The following GOLGA5 variants were observed in gnomAD, a reference collection of about 807,000 sequenced individuals.
The protein encoded by GOLGA5 is golgin A5.
GOLGA5 carries 50 observed loss-of-function variants against 93.5 expected under a neutral mutation model. The ratio of observed to expected loss-of-function variants is 0.53; its 90% CI spans 0.43 to 0.68. The LOEUF (loss-of-function observed/expected upper bound fraction) is 0.68, where lower values mean the gene tolerates loss of function less well. GOLGA5 is among the 30% of genes least tolerant of loss of function. GOLGA5 has a pLI of 0.00. For missense variants in GOLGA5, 760 were observed against 856.4 expected, an observed-to-expected ratio of 0.89 and a Z score of 1.40; for synonymous variants, 312 against 304.5, an observed-to-expected ratio of 1.02 and a Z score of -0.26.
At chr14:92,823,371 C>G (rs537154867) in intron 8 of GOLGA5, among the ~76,000 whole-genome samples, 1 of 151,584 alleles carries the variant, frequency 6.6e-6, no homozygotes, top group East Asian at 1.9e-4. Flanking sequence ...GTTTTAATGT[C>G]TTTATGACCC....
intron 1 of GOLGA5, among the ~76,000 whole-genome samples, chr14:92,795,728 G>A (rs1240779422): frequency 1.5e-5 from 1 of 67,250 alleles, no homozygotes; most frequent in Non-Finnish European, 2.7e-5. Context: ...CAAGAAGCAT[G>A]TTAAAAAAAT....
intron 10 of GOLGA5, among the ~76,000 whole-genome samples, chr14:92,834,064 ATAAGT>A: frequency 6.6e-6 from 1 of 151,672 alleles, no homozygotes; most frequent in East Asian, 1.9e-4. Flanking sequence ...GAAATTATAA[ATAAGT>A]AAATCATACT....
Position 92,833,201 on chromosome 14 carries a change from A to G in GOLGA5, c.1799A>G (p.Gln600Arg), listed in dbSNP as rs189806779. The change falls in exon 10 of 13, where the codon CAG (glutamine) becomes CGG (arginine). Residue 600 changes from glutamine to arginine, a missense_variant. Gln to Arg is a conservative substitution (Grantham distance 43, BLOSUM62 1). Transcript: ENST00000163416. ...CATCAGCTAACAGAGACTCTCATCC[A>G]GAAACAGACCATGCTGGAGAGTCTC... ...RLHQLTETLIQKQTMLESLST... is the reference protein window; with the variant it reads ...RLHQLTETLIRKQTMLESLST... 9.9e-6 allele frequency: 16 copies of G among 1,613,736 alleles called. No homozygotes were observed. The highest frequency in any genetic ancestry group is 1.3e-5 in the Non-Finnish European group (15 of 1,179,604).
In GOLGA5 at chr14:92,810,302, G is replaced by A; in HGVS notation, c.1041G>A (p.Leu347=). The change falls in exon 5 of 13, where the codon CTG becomes CTA. Residue 347 remains leucine, a synonymous_variant. Transcript: ENST00000163416. ...GTAACAGCCTGCAGAATCAAGCTCT[G>A]CAGACTTTTCAGGAGAGACTGCATG... ...SEGNSLQNQA[L]QTFQERLHEA... The A allele has an allele frequency of 6.2e-7, 1 of 1,603,462 alleles. No homozygotes were observed. The highest frequency in any genetic ancestry group is 1.1e-5 in the South Asian group (1 of 89,956).
At chr14:92,800,176 G>A (rs1003663709) in intron 2 of GOLGA5, among the ~76,000 whole-genome samples, 3 of 152,220 alleles carry the variant, frequency 2.0e-5, no homozygotes, top group Admixed American at 2.0e-4. Flanking sequence ...GAAGTGTCCA[G>A]TGGGTGAGCT....
intron 7 of GOLGA5, among the ~76,000 whole-genome samples, chr14:92,816,906 C>T (rs966285889): frequency 6.6e-6 from 1 of 151,114 alleles, no homozygotes; most frequent in Non-Finnish European, 1.5e-5. Context: ...TCTTTCCTTT[C>T]TCTCCTTTCT....
intron 3 of GOLGA5, among the ~76,000 whole-genome samples, chr14:92,808,387 C>T (rs1044780660): frequency 3.9e-5 from 6 of 152,184 alleles, no homozygotes; most frequent in African/African-American, 9.7e-5. Context: ...GTAATCCCAG[C>T]GCTTTGGAAG....
At chr14:92,795,085 TAATG>T (rs1884694902) in intron 1 of GOLGA5, among the ~76,000 whole-genome samples, 2 of 76,554 alleles carry the variant, frequency 2.6e-5, no homozygotes, top group South Asian at 6.7e-4. Flanking sequence ...TATAAAGAAT[TAATG>T]AGCGTGTTTT....
At chr14:92,817,997 T>C (rs1362761993) in intron 7 of GOLGA5, among the ~76,000 whole-genome samples, 1 of 152,200 alleles carries the variant, frequency 6.6e-6, no homozygotes, top group Non-Finnish European at 1.5e-5. Context: ...TTTATTGTTA[T>C]TCATTAAAGT....
At position 92,833,284 on chromosome 14, in the gene GOLGA5, T is replaced by A; in HGVS notation, c.1882T>A (p.Ser628Thr). ...GGAGCGCCTCGAACAGCAGATGAAC[T>A]CCGCCTCTGGAAGTAGTAGTAATGG... ...QLERLEQQMN[S>T]ASGSSSNGSS... Residue 628 changes from serine (S) to threonine (T), a missense_variant, in exon 10 of 13, where the codon TCC (serine) becomes ACC (threonine). By Grantham distance (58) the Ser-to-Thr change is moderately conservative. Transcript: ENST00000163416. 1 of 1,613,972 alleles carries A rather than the reference T, an allele frequency of 6.2e-7. No individual in the cohort carries two copies. The highest frequency in any genetic ancestry group is 8.5e-7 in the Non-Finnish European group (1 of 1,179,856).
rs781774988 is a variant in GOLGA5, at chr14:92,797,510, G to A, written c.73G>A (p.Ala25Thr). The A allele has an allele frequency of 1.9e-6, 3 of 1,613,256 alleles. No individual in the cohort carries two copies. The highest frequency in any genetic ancestry group is 2.2e-5 in the South Asian group (2 of 91,040). The change falls in exon 2 of 13, where the codon GCT (alanine) becomes ACT (threonine). Residue 25 changes from alanine to threonine, a missense_variant. Physicochemically the swap from Ala to Thr is moderately conservative, Grantham distance 58 (BLOSUM62 0). Transcript: ENST00000163416. ...LNRVDQGAATALSRKDNASNI... is the reference protein window; with the variant it reads ...LNRVDQGAATTLSRKDNASNI... ...CCGAGTTGATCAAGGGGCTGCAACA[G>A]CTCTCAGTAGGAAAGACAATGCCAG...
At position 92,797,507 on chromosome 14, in the gene GOLGA5, A is replaced by G. The variant is rs1482689950; in HGVS notation, c.70A>G (p.Thr24Ala). ...LLNRVDQGAA[T>A]ALSRKDNASN... ...AAACCGAGTTGATCAAGGGGCTGCA[A>G]CAGCTCTCAGTAGGAAAGACAATGC... The change falls in exon 2 of 13, where the codon ACA becomes GCA. Residue 24 changes from threonine (T) to alanine (A), a missense_variant. Transcript: ENST00000163416. The G allele has an allele frequency of 1.2e-6, 2 of 1,613,682 alleles. No homozygotes were observed. The highest frequency in any genetic ancestry group is 2.2e-5 in the East Asian group (1 of 44,886).
At chr14:92,822,742 C>T (rs1255851428) in intron 8 of GOLGA5, among the ~76,000 whole-genome samples, 3 of 152,082 alleles carry the variant, frequency 2.0e-5, no homozygotes, top group South Asian at 2.1e-4. Context: ...CTGCAACCTC[C>T]GCCTCCTGAG....
chr14:92,811,888 A>G (rs1595595258), intron 6 of GOLGA5, 134 bp downstream of exon 6: 1 of 663,424 alleles, frequency 1.5e-6, no homozygotes. Context: ...GCCTTACTCT[A>G]CTTTAGAAAT....
Position 92,816,328 on chromosome 14 carries a change from G to A in GOLGA5, c.1398G>A (p.Met466Ile). ...EGLDSSTASS[M>I]ELEELRHEKE... ...TAGATAGCAGCACTGCCAGTAGCAT[G>A]GAGCTGGAAGAACTTCGGCATGAGA... The change falls in exon 7 of 13, where the codon ATG becomes ATA. Residue 466 changes from methionine (M) to isoleucine (I), a missense_variant. Coordinates refer to ENST00000163416, the MANE Select transcript of GOLGA5 (RefSeq NM_005113.4). The A allele has an allele frequency of 6.2e-7, 1 of 1,613,890 alleles. No individual in the cohort carries two copies. The highest frequency in any genetic ancestry group is 8.5e-7 in the Non-Finnish European group (1 of 1,179,750).
In GOLGA5 at chr14:92,810,302, G is replaced by T. The variant is rs1267080378; in HGVS notation, c.1041G>T (p.Leu347=). The change falls in exon 5 of 13, where the codon CTG becomes CTT. Residue 347 remains leucine (L), a synonymous_variant. Transcript: ENST00000163416. ...SEGNSLQNQA[L]QTFQERLHEA... is the part of the protein sequence containing the mutation. ...GTAACAGCCTGCAGAATCAAGCTCT[G>T]CAGACTTTTCAGGAGAGACTGCATG... The T allele has an allele frequency of 6.2e-7, 1 of 1,603,462 alleles. No homozygotes were observed. Among genetic ancestry groups the T allele is most frequent in the East Asian group, 2.2e-5 (1 of 44,686 alleles).
intron 11 of GOLGA5, 145 bp downstream of exon 11, chr14:92,835,809 T>G (rs1333415579): frequency 4.1e-6 from 2 of 491,342 alleles, no homozygotes; most frequent in Non-Finnish European, 7.4e-6. Flanking sequence ...ATATACACTT[T>G]TATTTATTTC....
intron 8 of GOLGA5, among the ~76,000 whole-genome samples, chr14:92,822,455 GCTTTACT>G (rs1885335346): frequency 1.3e-5 from 2 of 152,316 alleles, no homozygotes; most frequent in Admixed American, 1.3e-4. Flanking sequence ...ATTGGCATGT[GCTTTACT>G]CTTAGATTCT....
At chr14:92,799,153 A>T (rs1427886347) in intron 2 of GOLGA5, among the ~76,000 whole-genome samples, 1 of 152,050 alleles carries the variant, frequency 6.6e-6, no homozygotes, top group Non-Finnish European at 1.5e-5. Flanking sequence ...AATTATTTTT[A>T]ATAGAAACAG....
Sources: allele counts gnomAD v4.1 joint callset (sites outside exome capture counted in the v4.1 genomes callset), GRCh38; gene constraint gnomAD v4.1.1; transcripts MANE v1.5; gene names NCBI Gene and HGNC (gene_info 2026-07-23, HGNC 2026-07-21).